The following CACNA2D4 variants were observed in gnomAD, a reference collection of about 807,000 sequenced individuals.
CACNA2D4 encodes the protein voltage-dependent calcium channel subunit alpha-2/delta-4.
Under a neutral mutation model 163.8 loss-of-function variants are expected in CACNA2D4, and 157 were observed. The ratio of observed to expected loss-of-function variants is 0.96; its 90% confidence interval spans 0.84 to 1.09. The LOEUF is 1.09. Ranked by LOEUF, CACNA2D4 falls within the 50% of genes least tolerant of loss-of-function variation. The pLI is 0.00. For missense variants in CACNA2D4, 1,410 were observed against 1,479.9 expected (o/e 0.95, Z 0.78); for synonymous variants, 598 against 586.9 (o/e 1.02, Z -0.27).
At chr12:1,793,947 G>C (rs1863043043) in intron 37 of CACNA2D4, among the ~76,000 whole-genome samples, 188 bp from the exon 38 acceptor site, 1 of 152,208 alleles carries the variant, frequency 6.6e-6, no homozygotes, top group African/African-American at 2.4e-5. Flanking sequence ...CCTCAGCCTG[G>C]GAGGGGGGCA....
At chr12:1,867,246 T>C (rs1329992320) in intron 18 of CACNA2D4, among the ~76,000 whole-genome samples, 1 of 152,190 alleles carries the variant, frequency 6.6e-6, no homozygotes, top group Non-Finnish European at 1.5e-5. Context: ...TTATGTCAAA[T>C]TCAGGACATT....
intron 26 of CACNA2D4, among the ~76,000 whole-genome samples, chr12:1,816,727 A>G (rs1863885134): frequency 6.6e-6 from 1 of 152,148 alleles, no homozygotes; most frequent in Non-Finnish European, 1.5e-5. Flanking sequence ...AGAAGGCAAA[A>G]CCAAACAACT....
rs1476701657 is a variant in CACNA2D4 at position 1,828,187 on chromosome 12, G to A, written c.2551+12552C>T. 6.5e-7 allele frequency: 1 copy of A among 1,547,118 alleles called. No individual in the cohort carries two copies. Reference sequence around the variant, plus strand: ...GCAGCAGCCCTGGGCAGAGGGGCAGGCTCGCCCTGCAGTGGAGGCAAGTCT... The same window carrying A: ...GCAGCAGCCCTGGGCAGAGGGGCAGACTCGCCCTGCAGTGGAGGCAAGTCT... On this transcript the variant is annotated intron_variant, in intron 26 of 37. Transcript: ENST00000382722. This position sits in a 1 kb window ranked among gnomAD's most constrained non-coding sequence, Gnocchi z 4.2.
intron 29 of CACNA2D4, among the ~76,000 whole-genome samples, chr12:1,807,326 C>A (rs1217377311): frequency 2.0e-5 from 3 of 151,534 alleles, no homozygotes; most frequent in Admixed American, 1.3e-4. Context: ...CTGGACATGA[C>A]ATGACAGCAG....
At chr12:1,797,078 G>A (rs546064034) in intron 35 of CACNA2D4, among the ~76,000 whole-genome samples, 1 of 152,328 alleles carries the variant, frequency 6.6e-6, no homozygotes, top group East Asian at 1.9e-4. Flanking sequence ...GGGGAGACCC[G>A]CCGAAGGGCC....
chr12:1,833,224 G>A lies in CACNA2D4; in HGVS notation c.2551+7515C>T, dbSNP rs531902662. 2.0e-5 allele frequency among the ~76,000 whole-genome samples: 3 copies of A among 152,342 alleles called. No homozygotes were observed. The highest frequency in any genetic ancestry group is 7.2e-5 in the African/African-American group (3 of 41,590). On this transcript the variant is annotated intron_variant, in intron 26 of 37. Coordinates refer to ENST00000382722, the MANE Select transcript of CACNA2D4 (RefSeq NM_172364.5). This position sits in a 1 kb window ranked among gnomAD's most constrained non-coding sequence, Gnocchi z 4.2. ...GAAAGATTGATGCCTATTGTATGAG[G>A]AGACTTGCGGCAGATGGGCTGCAGA...
At chr12:1,859,040 T>G (rs1865465537) in intron 19 of CACNA2D4, among the ~76,000 whole-genome samples, 1 of 152,194 alleles carries the variant, frequency 6.6e-6, no homozygotes, top group Non-Finnish European at 1.5e-5. Context: ...TTCCTCTCCT[T>G]GGCTGAACAT....
chr12:1,794,506 G>A (rs1195332543), intron 37 of CACNA2D4, among the ~76,000 whole-genome samples: 2 of 152,284 alleles, frequency 1.3e-5, no homozygotes, highest in African/African-American at 4.8e-5. Context: ...GATGCCAATC[G>A]CAAGCCCCAG....
intron 23 of CACNA2D4, among the ~76,000 whole-genome samples, chr12:1,847,391 AAGT>A (rs1865169799): frequency 6.6e-6 from 1 of 152,202 alleles, no homozygotes; most frequent in African/African-American, 2.4e-5. Flanking sequence ...TGAGCATACA[AAGT>A]AGGCAATTCC....
intron 12 of CACNA2D4, 128 bp downstream of exon 12, chr12:1,884,115 T>C: frequency 1.4e-6 from 1 of 708,946 alleles, no homozygotes. Context: ...GAGGCTGCTG[T>C]TCTTGACATA....
At chr12:1,840,615 C>T in intron 26 of CACNA2D4, 124 bp downstream of exon 26, 1 of 723,296 alleles carries the variant, frequency 1.4e-6, no homozygotes, top group Non-Finnish European at 2.4e-6. Flanking sequence ...TTCCACCCAT[C>T]CCACATTCCA....
At chr12:1,824,247 C>T (rs956354743) in intron 26 of CACNA2D4, among the ~76,000 whole-genome samples, 1 of 152,202 alleles carries the variant, frequency 6.6e-6, no homozygotes, top group African/African-American at 2.4e-5. Context: ...CTCAAATATG[C>T]ATGAAAATCC....
intron 24 of CACNA2D4, 43 bp downstream of exon 24, chr12:1,846,551 G>T: frequency 6.8e-7 from 1 of 1,481,296 alleles, no homozygotes; most frequent in Non-Finnish European, 9.2e-7. Flanking sequence ...GGCCCTCTCT[G>T]CCCTGCAGGG....
intron 26 of CACNA2D4, among the ~76,000 whole-genome samples, chr12:1,825,382 T>C (rs11061990): frequency 0.16 from 24,529 of 152,262 alleles, 3,805 homozygotes; most frequent in African/African-American, 0.4. Context: ...AGCAGACACC[T>C]GGATGGGGAA....
At chr12:1,841,931 C>A (rs995269959) in intron 25 of CACNA2D4, among the ~76,000 whole-genome samples, 1 of 152,174 alleles carries the variant, frequency 6.6e-6, no homozygotes. Flanking sequence ...GAAATTTGCC[C>A]CATGATGACG....
chr12:1,807,167 G>T (rs985963909), intron 29 of CACNA2D4, among the ~76,000 whole-genome samples: 2 of 151,950 alleles, frequency 1.3e-5, no homozygotes, highest in Non-Finnish European at 2.9e-5. Context: ...GGTTTGCTCG[G>T]TCTGATGAAG....
intron 26 of CACNA2D4, among the ~76,000 whole-genome samples, chr12:1,839,409 G>T (rs1013404290): frequency 5.3e-5 from 8 of 152,238 alleles, no homozygotes; most frequent in African/African-American, 1.9e-4. Context: ...GACTCTGCAG[G>T]CACGAAGAAA....
Position 1,815,045 on chromosome 12 carries a change from C to G in CACNA2D4, c.2552-3322G>C, listed in dbSNP as rs34715276. 3.3e-3 allele frequency among the ~76,000 whole-genome samples: 496 copies of G among 152,200 alleles called. 5 individuals are homozygous for G. The highest frequency in any genetic ancestry group is 0.011 in the African/African-American group (477 of 41,500). On this transcript the variant is annotated intron_variant, in intron 26 of 37. Transcript: ENST00000382722. ...GCTAGGATTACAGGCGCGTGTGATACCATGCATGGCTAATTTTTGTATTTC... is the reference window on the plus strand; with the variant it reads ...GCTAGGATTACAGGCGCGTGTGATAGCATGCATGGCTAATTTTTGTATTTC...
intron 2 of CACNA2D4, 73 bp from the exon 3 acceptor site, chr12:1,913,212 C>T: frequency 1.0e-6 from 1 of 995,614 alleles, no homozygotes; most frequent in Non-Finnish European, 1.6e-6. Context: ...GTATGCATGG[C>T]CTCCAACCTC....
Sources: allele counts gnomAD v4.1 joint callset (sites outside exome capture counted in the v4.1 genomes callset), GRCh38; gene constraint gnomAD v4.1.1; non-coding constraint Gnocchi (gnomAD v3.1); transcripts MANE v1.5; gene names NCBI Gene and HGNC (gene_info 2026-07-23, HGNC 2026-07-21).